The following PIGU variants were observed in gnomAD, a reference collection of about 807,000 sequenced individuals.
PIGU encodes phosphatidylinositol glycan anchor biosynthesis class U.
A neutral mutation model predicts 49.9 loss-of-function variants in PIGU; 24 were observed. The ratio of observed to expected loss-of-function variants is 0.48; its 90% CI spans 0.35 to 0.68. PIGU has a LOEUF of 0.68. Ranked by LOEUF, PIGU falls within the 30% of genes least tolerant of loss-of-function variation. The pLI is 0.01. For missense variants in PIGU, 490 were observed against 532.6 expected (o/e 0.92, Z 0.79); for synonymous variants, 220 against 205.7 (o/e 1.07, Z -0.59).
intron 8 of PIGU, 69 bp downstream of exon 8, chr20:34,588,384 T>C: frequency 7.4e-7 from 1 of 1,343,846 alleles, no homozygotes; most frequent in Admixed American, 2.4e-5. Context: ...TTTACATTCT[T>C]GACAACAGTA....
intron 7 of PIGU, among the ~76,000 whole-genome samples, chr20:34,602,511 C>T (rs1984463449): frequency 1.3e-5 from 2 of 151,470 alleles, no homozygotes; most frequent in East Asian, 3.9e-4. Flanking sequence ...GCAGGAAAAT[C>T]GCTTTAACCT....
intron 7 of PIGU, among the ~76,000 whole-genome samples, chr20:34,599,996 G>T (rs1238669213): frequency 2.0e-5 from 3 of 152,220 alleles, no homozygotes. Flanking sequence ...CATGTGGCTT[G>T]TGTCTTCTGC....
chr20:34,657,356 C>A (rs926530982), intron 1 of PIGU, 112 bp from the exon 2 acceptor site: 10 of 715,148 alleles, frequency 1.4e-5, no homozygotes, highest in Non-Finnish European at 1.9e-5. Context: ...CCCCCTTTAC[C>A]TCATCCCCAG....
chr20:34,603,861 G>GACACACACACACACACACAC (rs142929319), intron 7 of PIGU, among the ~76,000 whole-genome samples: 28,469 of 143,366 alleles, frequency 0.2, 3,436 homozygotes, highest in Admixed American at 0.38. Context: ...TTAGTGGACA[G>GACACACACACACACACACAC]ACACACACAC....
At chr20:34,653,948 C>A (rs1025474639) in intron 2 of PIGU, among the ~76,000 whole-genome samples, 1 of 151,800 alleles carries the variant, frequency 6.6e-6, no homozygotes, top group Admixed American at 6.6e-5. Flanking sequence ...AGCTCCGCCT[C>A]CCGTGTTCAC....
intron 2 of PIGU, among the ~76,000 whole-genome samples, chr20:34,645,666 C>T (rs945373880): frequency 1.3e-5 from 2 of 152,092 alleles, no homozygotes; most frequent in Non-Finnish European, 2.9e-5. Flanking sequence ...GAGGCTGAGG[C>T]AGGCAGATCA....
chr20:34,675,582 CATCT>C (rs2146804053), intron 1 of PIGU, among the ~76,000 whole-genome samples: 1 of 152,252 alleles, frequency 6.6e-6, no homozygotes, highest in African/African-American at 2.4e-5. Flanking sequence ...AAAATAACAC[CATCT>C]ATCACATAGA....
At chr20:34,666,181 ATC>A (rs1185598888) in intron 1 of PIGU, among the ~76,000 whole-genome samples, 1 of 151,876 alleles carries the variant, frequency 6.6e-6, no homozygotes, top group Non-Finnish European at 1.5e-5. Flanking sequence ...ACAAGACTCC[ATC>A]TCAAAAAAAA....
At chr20:34,621,239 A>C (rs1241337411) in intron 6 of PIGU, among the ~76,000 whole-genome samples, 1 of 152,184 alleles carries the variant, frequency 6.6e-6, no homozygotes, top group Non-Finnish European at 1.5e-5. Context: ...TCAGCAATAC[A>C]TATGAAATCC....
At chr20:34,662,622 G>C (rs1882936608) in intron 1 of PIGU, among the ~76,000 whole-genome samples, 1 of 152,054 alleles carries the variant, frequency 6.6e-6, no homozygotes, top group Admixed American at 6.6e-5. Flanking sequence ...TTGAACTCCT[G>C]ACCTCAAGGG....
At chr20:34,653,376 T>C (rs1986604108) in intron 2 of PIGU, among the ~76,000 whole-genome samples, 1 of 152,244 alleles carries the variant, frequency 6.6e-6, no homozygotes, top group South Asian at 2.1e-4. Context: ...GTGGATCTAT[T>C]TCTCCTTGTA....
At chr20:34,670,936 G>A (rs1987287968) in intron 1 of PIGU, among the ~76,000 whole-genome samples, 1 of 152,176 alleles carries the variant, frequency 6.6e-6, no homozygotes, top group African/African-American at 2.4e-5. Flanking sequence ...AAGCCTATAC[G>A]AACTGTCAAT....
At chr20:34,588,133 T>C (rs1983774092) in intron 8 of PIGU, among the ~76,000 whole-genome samples, 1 of 151,994 alleles carries the variant, frequency 6.6e-6, no homozygotes, top group African/African-American at 2.4e-5. Flanking sequence ...ATGCCTGTAG[T>C]CCCAGCTACT....
At chr20:34,564,863 C>T (rs910089318) in intron 11 of PIGU, among the ~76,000 whole-genome samples, 7 of 152,170 alleles carry the variant, frequency 4.6e-5, no homozygotes, top group African/African-American at 1.7e-4. Flanking sequence ...CGGGAAGAGC[C>T]CTGTGAGCGG....
At chr20:34,591,653 G>A (rs1454394461) in intron 7 of PIGU, among the ~76,000 whole-genome samples, 1 of 152,088 alleles carries the variant, frequency 6.6e-6, no homozygotes, top group Non-Finnish European at 1.5e-5. Flanking sequence ...CCTCACATAT[G>A]TATCACTTAT....
At chr20:34,655,968 CTTT>C (rs759103027) in intron 2 of PIGU, among the ~76,000 whole-genome samples, 1 of 76,776 alleles carries the variant, frequency 1.3e-5, no homozygotes, top group South Asian at 3.6e-4. Flanking sequence ...TTTCACTATT[CTTT>C]TTTTTTTTTT....
intron 6 of PIGU, among the ~76,000 whole-genome samples, chr20:34,624,918 A>G (rs945976341): frequency 6.6e-6 from 1 of 152,198 alleles, no homozygotes; most frequent in Non-Finnish European, 1.5e-5. Flanking sequence ...GCAAGAGTCA[A>G]GGGGACAAAG....
At chr20:34,658,643 C>T (rs575672032) in intron 1 of PIGU, among the ~76,000 whole-genome samples, 22 of 151,876 alleles carry the variant, frequency 1.4e-4, no homozygotes, top group South Asian at 1.0e-3. Context: ...TGCCCAGCCG[C>T]GACCCCATCT....
chr20:34,598,834 C>G (rs1176384183), intron 7 of PIGU, among the ~76,000 whole-genome samples: 1 of 152,188 alleles, frequency 6.6e-6, no homozygotes, highest in Non-Finnish European at 1.5e-5. Flanking sequence ...GATTCATATT[C>G]CTTCTTCATG....
Sources: gnomAD v4.1 joint callset for allele counts (sites outside exome capture counted in the v4.1 genomes callset) on GRCh38, gnomAD v4.1.1 for gene constraint, MANE v1.5 for transcripts, NCBI Gene and HGNC (gene_info 2026-07-23, HGNC 2026-07-21) for gene names.